The following VTI1A variants were observed in gnomAD, a reference collection of about 807,000 sequenced individuals.
VTI1A encodes the protein vesicle transport through interaction with t-SNAREs 1A.
In VTI1A, 22 loss-of-function variants were observed where a neutral mutation model predicts 34.9. The ratio of observed to expected loss-of-function variants is 0.63; its 90% CI spans 0.45 to 0.90. VTI1A has a LOEUF of 0.90. Among genes scored for constraint, VTI1A ranks in the 40% least tolerant of loss-of-function variants. The pLI is 0.00. For synonymous variants in VTI1A, 87 were observed against 97.3 expected (o/e 0.89, Z 0.62); for missense variants, 268 against 275.6 (o/e 0.97, Z 0.20).
intron 7 of VTI1A, among the ~76,000 whole-genome samples, chr10:112,790,395 T>A (rs1852421505): frequency 6.6e-6 from 1 of 152,210 alleles, no homozygotes; most frequent in Non-Finnish European, 1.5e-5. Context: ...AAGAGATGCA[T>A]AGAGAGCTTA....
chr10:112,620,731 A>G (rs547574811), intron 5 of VTI1A, among the ~76,000 whole-genome samples: 4 of 152,000 alleles, frequency 2.6e-5, no homozygotes, highest in African/African-American at 9.6e-5. Context: ...CAGAGGTTGC[A>G]GTGAACTGAG....
chr10:112,820,716 G>A (rs903248247), downstream of VTI1A, among the ~76,000 whole-genome samples: 9 of 152,344 alleles, frequency 5.9e-5, no homozygotes, highest in African/African-American at 2.2e-4. Context: ...GTGGAGGAGG[G>A]CAGATGCGGG....
intron 5 of VTI1A, among the ~76,000 whole-genome samples, chr10:112,570,826 G>A (rs1247986260): frequency 6.6e-6 from 1 of 152,230 alleles, no homozygotes; most frequent in Non-Finnish European, 1.5e-5. Flanking sequence ...TGAAAGCAGA[G>A]ATAAGAGAGT....
chr10:112,629,183 A>C (rs144310064), intron 5 of VTI1A, among the ~76,000 whole-genome samples: 4 of 152,364 alleles, frequency 2.6e-5, no homozygotes, highest in African/African-American at 9.6e-5. Context: ...CAGCGCTGTC[A>C]TCATGGCTGC....
rs144836200 is a variant in VTI1A, at chr10:112,808,128, C to T, written c.561-7162C>T. ...AGCTACTTGGGAGGCTGAGGTGGGA[C>T]GATCACTTGAGTCCAAGCGTTCAAG... On this transcript the variant is annotated intron_variant, in intron 7 of 7. Transcript: ENST00000393077. 5.8e-3 allele frequency among the ~76,000 whole-genome samples: 880 copies of T among 151,210 alleles called. 8 individuals carry two copies. The highest frequency in any genetic ancestry group is 7.4e-3 in the Non-Finnish European group (503 of 67,774).
At chr10:112,580,476 C>A (rs546185933) in intron 5 of VTI1A, among the ~76,000 whole-genome samples, 19 of 152,236 alleles carry the variant, frequency 1.2e-4, no homozygotes, top group African/African-American at 4.6e-4. Context: ...AAAGGCCCAG[C>A]TGAGGTTAGG....
chr10:112,505,124 C>T (rs1336280753), intron 3 of VTI1A, among the ~76,000 whole-genome samples: 1 of 151,874 alleles, frequency 6.6e-6, no homozygotes, highest in Non-Finnish European at 1.5e-5. Context: ...TGTTGCCGAA[C>T]ATTTTTGTTT....
chr10:112,780,225 C>T (rs1590177585), intron 7 of VTI1A, among the ~76,000 whole-genome samples: 1 of 150,706 alleles, frequency 6.6e-6, no homozygotes, highest in East Asian at 1.9e-4. Context: ...AAGCTATGAT[C>T]ACACTGCTGC....
At chr10:112,517,764 A>G (rs192099376) in intron 3 of VTI1A, among the ~76,000 whole-genome samples, 1 of 152,224 alleles carries the variant, frequency 6.6e-6, no homozygotes, top group African/African-American at 2.4e-5. Flanking sequence ...ACATTTTACA[A>G]AATACCTGAG....
At chr10:112,518,736 T>A (rs976199927) in intron 3 of VTI1A, among the ~76,000 whole-genome samples, 1 of 151,236 alleles carries the variant, frequency 6.6e-6, no homozygotes, top group African/African-American at 2.4e-5. Context: ...TTGATATACC[T>A]ACCATAAAGG....
rs536782099 is a variant in VTI1A, at chr10:112,654,428, G to A, written c.428-13790G>A. 1.8e-3 allele frequency among the ~76,000 whole-genome samples: 275 copies of A among 152,154 alleles called. 1 individual carries two copies. Among genetic ancestry groups the A allele is most frequent in the Non-Finnish European group, 3.5e-3 (238 of 68,014 alleles). On this transcript the variant is annotated intron_variant, in intron 5 of 7. Coordinates refer to ENST00000393077, the MANE Select transcript of VTI1A (RefSeq NM_145206.4). ...ATCTCAAATTTAGAAATAATATTAAGATCGTATCACCTTAAAACTCTTTCA... is the reference window on the plus strand; with the variant it reads ...ATCTCAAATTTAGAAATAATATTAAAATCGTATCACCTTAAAACTCTTTCA...
chr10:112,483,469 G>T lies in VTI1A; in HGVS notation c.264+18812G>T, dbSNP rs958992986. Among the ~76,000 whole-genome samples, 60 of 152,174 alleles carry T rather than the reference G, an allele frequency of 3.9e-4. 1 individual carries two copies. Among genetic ancestry groups the T allele is most frequent in the Admixed American group, 2.0e-4 (3 of 15,266 alleles). On this transcript the variant is annotated intron_variant, in intron 3 of 7. Transcript: ENST00000393077. Reference sequence around the variant, plus strand: ...GGATGCTGCCTTTTAGGGCAGCAAAGATATGATTTTTCTTTTGACTGAACA... The same window carrying T: ...GGATGCTGCCTTTTAGGGCAGCAAATATATGATTTTTCTTTTGACTGAACA...
intron 3 of VTI1A, among the ~76,000 whole-genome samples, chr10:112,478,832 T>A (rs2134091016): frequency 6.6e-6 from 1 of 151,960 alleles, no homozygotes; most frequent in African/African-American, 2.4e-5. Flanking sequence ...TCCTTCCCAT[T>A]TCTTCCCTAG....
At chr10:112,584,063 C>G (rs569109463) in intron 5 of VTI1A, among the ~76,000 whole-genome samples, 1 of 152,280 alleles carries the variant, frequency 6.6e-6, no homozygotes, top group East Asian at 1.9e-4. Context: ...GGGGCAAATG[C>G]ACTGTATTCA....
chr10:112,639,268 A>C (rs1230100595), intron 5 of VTI1A, among the ~76,000 whole-genome samples: 1 of 152,198 alleles, frequency 6.6e-6, no homozygotes, highest in Admixed American at 6.5e-5. Context: ...AAAATGCATA[A>C]TGAGAGTCGA....
intron 7 of VTI1A, among the ~76,000 whole-genome samples, chr10:112,681,320 A>G (rs893864536): frequency 1.3e-5 from 2 of 152,022 alleles, no homozygotes; most frequent in African/African-American, 2.4e-5. Context: ...GCCTCAAGCA[A>G]TCCTCTTGCC....
At chr10:112,783,751 G>A (rs1852203692) in intron 7 of VTI1A, among the ~76,000 whole-genome samples, 1 of 152,170 alleles carries the variant, frequency 6.6e-6, no homozygotes, top group Admixed American at 6.5e-5. Flanking sequence ...TAATTACCGT[G>A]GCCACCTTAA....
At chr10:112,526,630 T>C (rs1315892605) in intron 3 of VTI1A, among the ~76,000 whole-genome samples, 3 of 152,116 alleles carry the variant, frequency 2.0e-5, no homozygotes, top group Admixed American at 6.5e-5. Context: ...GTTGGAGATA[T>C]AATTATTATC....
At chr10:112,810,096 T>TA (rs534101534) in intron 7 of VTI1A, among the ~76,000 whole-genome samples, 1,584 of 145,722 alleles carry the variant, frequency 0.011, 12 homozygotes, top group Non-Finnish European at 0.016. Flanking sequence ...TGGTTTGATT[T>TA]AAAAAAAAAA....
Sources: gnomAD v4.1 joint callset for allele counts (sites outside exome capture counted in the v4.1 genomes callset) on GRCh38, gnomAD v4.1.1 for gene constraint, MANE v1.5 for transcripts, NCBI Gene and HGNC (gene_info 2026-07-23, HGNC 2026-07-21) for gene names.